NKAIN2: variants seen among roughly 807,000 people sequenced by gnomAD.
The protein encoded by NKAIN2 is sodium/potassium-transporting ATPase subunit beta-1-interacting protein 2.
In NKAIN2, 14 loss-of-function variants were observed where a neutral mutation model predicts 32.6. The observed-to-expected ratio is 0.43, with a 90% confidence interval of 0.28 to 0.67. The LOEUF is 0.67. Ranked by LOEUF, NKAIN2 falls within the 30% of genes least tolerant of loss-of-function variation. The pLI, the probability that NKAIN2 is intolerant of heterozygous loss-of-function variation, is 0.17. For synonymous variants in NKAIN2, 80 were observed against 87.2 expected, an observed-to-expected ratio of 0.92 and a Z score of 0.46; for missense variants, 198 against 258.3, an observed-to-expected ratio of 0.77 and a Z score of 1.60.
chr6:124,496,438 C>T (rs1184446224), intron 3 of NKAIN2, among the ~76,000 whole-genome samples: 3 of 152,142 alleles, frequency 2.0e-5, no homozygotes, highest in Admixed American at 2.0e-4. Flanking sequence ...TAAGTCATGG[C>T]ACTGCCCTCA....
At chr6:124,748,481 T>C (rs1266802552) in intron 4 of NKAIN2, among the ~76,000 whole-genome samples, 1 of 151,974 alleles carries the variant, frequency 6.6e-6, no homozygotes, top group African/African-American at 2.4e-5. Flanking sequence ...TTTCTCACCT[T>C]TGGTGGTAAC....
chr6:124,247,898 G>A (rs891675437), intron 1 of NKAIN2, among the ~76,000 whole-genome samples: 12 of 152,170 alleles, frequency 7.9e-5, no homozygotes, highest in African/African-American at 1.4e-4. Flanking sequence ...ACCATTAATT[G>A]TATTTAATTA....
rs77396714 is a variant in NKAIN2 at position 124,107,542 on chromosome 6, A to T, written c.55-175463A>T. 7.5e-3 allele frequency among the ~76,000 whole-genome samples: 1,140 copies of T among 152,254 alleles called. 14 individuals are homozygous for T. Among genetic ancestry groups the T allele is most frequent in the African/African-American group, 0.026 (1,100 of 41,546 alleles). On this transcript the variant is annotated intron_variant, in intron 1 of 6. Transcript: ENST00000368417. The stretch of plus-strand genomic sequence containing the variant: ...TGTTTTTTATGATATATTATGGTTT[A>T]AAAAAGACTTAACATGAGGTCTACA...
intron 4 of NKAIN2, among the ~76,000 whole-genome samples, chr6:124,743,157 C>T (rs921012580): frequency 1.3e-5 from 2 of 151,766 alleles, no homozygotes; most frequent in Non-Finnish European, 2.9e-5. Flanking sequence ...GTATCTCTGC[C>T]CCTCGCTTGC....
intron 3 of NKAIN2, among the ~76,000 whole-genome samples, chr6:124,364,080 T>C (rs1161375046): frequency 6.6e-6 from 1 of 151,832 alleles, no homozygotes; most frequent in African/African-American, 2.4e-5. Context: ...AAGAATCAAA[T>C]GGAAATTCTA....
chr6:124,366,441 C>G (rs1799520337), intron 3 of NKAIN2, among the ~76,000 whole-genome samples: 1 of 151,304 alleles, frequency 6.6e-6, no homozygotes, highest in Non-Finnish European at 1.5e-5. Context: ...TAATCAAAAT[C>G]TTTTGACAGA....
intron 1 of NKAIN2, among the ~76,000 whole-genome samples, chr6:124,230,441 A>C (rs1405250379): frequency 2.0e-5 from 3 of 152,202 alleles, no homozygotes; most frequent in Non-Finnish European, 4.4e-5. Context: ...AATTTGCATA[A>C]GTGATAAACA....
At chr6:123,898,341 C>T (rs962517215) in intron 1 of NKAIN2, among the ~76,000 whole-genome samples, 1 of 152,168 alleles carries the variant, frequency 6.6e-6, no homozygotes, top group Admixed American at 6.5e-5. Context: ...CTGTATACCC[C>T]TTTGACCCTC....
intron 1 of NKAIN2, among the ~76,000 whole-genome samples, chr6:124,206,376 T>G (rs1790886822): frequency 6.6e-6 from 1 of 151,882 alleles, no homozygotes; most frequent in African/African-American, 2.4e-5. Context: ...CCTACTTGCT[T>G]AAGGGAACAC....
At chr6:123,990,878 C>T (rs368307788) in intron 1 of NKAIN2, among the ~76,000 whole-genome samples, 3 of 152,228 alleles carry the variant, frequency 2.0e-5, no homozygotes, top group East Asian at 3.9e-4. Context: ...TAGATTTTTG[C>T]CACAATTTGA....
intron 1 of NKAIN2, among the ~76,000 whole-genome samples, chr6:124,141,534 A>G (rs150737628): frequency 2.6e-5 from 4 of 152,210 alleles, no homozygotes; most frequent in African/African-American, 7.2e-5. Flanking sequence ...CTTCTGGCTT[A>G]AAATTCAATC....
chr6:124,204,603 C>A (rs976779662), intron 1 of NKAIN2, among the ~76,000 whole-genome samples: 4 of 151,440 alleles, frequency 2.6e-5, no homozygotes, highest in Non-Finnish European at 4.4e-5. Flanking sequence ...ACAACTATAC[C>A]AATAATAGCA....
intron 2 of NKAIN2, among the ~76,000 whole-genome samples, chr6:124,303,561 A>G (rs1485897939): frequency 6.6e-6 from 1 of 152,256 alleles, no homozygotes; most frequent in African/African-American, 2.4e-5. Context: ...CAGTATTTAT[A>G]GTCAGTACGT....
At chr6:123,976,092 G>T (rs924399622) in intron 1 of NKAIN2, among the ~76,000 whole-genome samples, 18 of 150,956 alleles carry the variant, frequency 1.2e-4, no homozygotes, top group African/African-American at 3.2e-4. Context: ...CGTGCCTTTT[G>T]CCTTCTACCA....
At position 123,914,344 on chromosome 6, in the gene NKAIN2, A is replaced by G. The variant is rs73551393; in HGVS notation, c.54+110090A>G. On this transcript the variant is annotated intron_variant, in intron 1 of 6. Transcript: ENST00000368417. ...GAAAAGATGAGAGAGAGGGAAAAAG[A>G]CATGTCGGGAGGAAGCCAGGGAGGG... Among the ~76,000 whole-genome samples the G allele has an allele frequency of 7.9e-3, 1,198 of 152,080 alleles. 11 individuals are homozygous for G. The highest frequency in any genetic ancestry group is 0.027 in the African/African-American group (1,122 of 41,514).
At position 124,727,549 on chromosome 6, in the gene NKAIN2, T is replaced by C. The variant is rs986702090; in HGVS notation, c.475-63790T>C. Among the ~76,000 whole-genome samples the C allele has an allele frequency of 2.4e-3, 369 of 151,754 alleles. 1 individual carries two copies. The highest frequency in any genetic ancestry group is 8.3e-3 in the African/African-American group (343 of 41,342). On this transcript the variant is annotated intron_variant, in intron 4 of 6. Coordinates refer to ENST00000368417, the MANE Select transcript of NKAIN2 (RefSeq NM_001040214.3). ...ACCAGGCCTGCCCTAAAAGAGCTCC[T>C]GAAGGAAGTGCTAAACATGGAAAGG...
chr6:124,077,606 A>AAAAT (rs1783752907), intron 1 of NKAIN2, among the ~76,000 whole-genome samples: 1 of 152,078 alleles, frequency 6.6e-6, no homozygotes, highest in Non-Finnish European at 1.5e-5. Flanking sequence ...GGCAATGTGA[A>AAAAT]TTGCCATATG....
At chr6:124,811,653 G>C (rs1187994207) in intron 5 of NKAIN2, among the ~76,000 whole-genome samples, 1 of 152,028 alleles carries the variant, frequency 6.6e-6, no homozygotes, top group Non-Finnish European at 1.5e-5. Context: ...TAGGTCAATA[G>C]ATGTAAACAT....
At chr6:124,602,772 C>G (rs751322865) in intron 3 of NKAIN2, among the ~76,000 whole-genome samples, 3 of 151,802 alleles carry the variant, frequency 2.0e-5, no homozygotes, top group African/African-American at 7.3e-5. Context: ...CTTGTATGTT[C>G]TTCTTTACCT....
Sources: gnomAD v4.1 joint callset for allele counts (sites outside exome capture counted in the v4.1 genomes callset) on GRCh38, gnomAD v4.1.1 for gene constraint, MANE v1.5 for transcripts, NCBI Gene and HGNC (gene_info 2026-07-23, HGNC 2026-07-21) for gene names.